The following KIF2A variants were observed in gnomAD, a reference collection of about 807,000 sequenced individuals.
KIF2A encodes the protein kinesin-like protein KIF2A.
Under a neutral mutation model 100.2 loss-of-function variants are expected in KIF2A, and 22 were observed. The ratio of observed to expected loss-of-function variants is 0.22; its 90% CI spans 0.16 to 0.31. The LOEUF (loss-of-function observed/expected upper bound fraction) is 0.31, where lower values mean the gene tolerates loss of function less well. KIF2A is among the 10% of genes least tolerant of loss of function. The pLI is 1.00. For synonymous variants in KIF2A, 268 were observed against 285.9 expected, an observed-to-expected ratio of 0.94 and a Z score of 0.63; for missense variants, 495 against 898.7, an observed-to-expected ratio of 0.55 and a Z score of 5.74.
chr5:62,378,810 C>T (rs777500805), intron 19 of KIF2A, among the ~76,000 whole-genome samples: 2 of 151,844 alleles, frequency 1.3e-5, no homozygotes, highest in African/African-American at 2.4e-5. Context: ...CCCAGCTACT[C>T]GGGAGGCTGA....
chr5:62,327,630 C>G (rs892408718), intron 1 of KIF2A, among the ~76,000 whole-genome samples: 1 of 152,226 alleles, frequency 6.6e-6, no homozygotes, highest in Non-Finnish European at 1.5e-5. Context: ...CCACATGGAG[C>G]TTCAGTGATC....
In KIF2A at chr5:62,347,110, T is replaced by A; in HGVS notation, c.65-20T>A. On this transcript the variant is annotated intron_variant, in intron 1 of 20. Coordinates refer to ENST00000407818, the MANE Select transcript of KIF2A (RefSeq NM_001098511.3). ...CATAATTTGTGGCATTTTTAAGGTG[T>A]ATACTTTATTCCCACATAGGCCGAA... 1.4e-6 allele frequency: 2 copies of A among 1,425,020 alleles called. No homozygotes were observed. The highest frequency in any genetic ancestry group is 9.8e-7 in the Non-Finnish European group (1 of 1,016,620). 88.3% of individuals were successfully genotyped at this position (1,425,020 alleles called of 1,614,324 possible).
chr5:62,350,253 CTTTTTTGTTTTGTTTTG>C (rs1747782545), intron 4 of KIF2A, 133 bp downstream of exon 4: 1 of 587,248 alleles, frequency 1.7e-6, no homozygotes, highest in South Asian at 2.2e-5. Flanking sequence ...TTAAGAGGTG[CTTTTTTGTTTTGTTTTG>C]TTTTTTGTTT....
chr5:62,360,686 C>CAA (rs76298250), intron 9 of KIF2A, among the ~76,000 whole-genome samples: 2 of 136,344 alleles, frequency 1.5e-5, no homozygotes, highest in Admixed American at 7.4e-5. Context: ...GACTTCGTCT[C>CAA]AAAAAAAAAA....
intron 20 of KIF2A, among the ~76,000 whole-genome samples, chr5:62,382,916 C>T (rs1388695271): frequency 7.4e-5 from 11 of 149,352 alleles, no homozygotes; most frequent in East Asian, 5.9e-4. Flanking sequence ...TGTGAGGCAC[C>T]GAGCCTGGCT....
chr5:62,348,263 T>G (rs1445550933), intron 3 of KIF2A, 96 bp downstream of exon 3: 1 of 1,297,748 alleles, frequency 7.7e-7, no homozygotes, highest in Admixed American at 2.2e-5. Context: ...CTTTGAAGAG[T>G]TTAAGAATTG....
At chr5:62,342,402 G>A (rs936624279) in intron 1 of KIF2A, among the ~76,000 whole-genome samples, 3 of 152,142 alleles carry the variant, frequency 2.0e-5, no homozygotes, top group Admixed American at 6.6e-5. Context: ...CTGCTTAGAT[G>A]TCTCTCTAAG....
intron 16 of KIF2A, 62 bp from the exon 17 acceptor site, chr5:62,372,376 A>G (rs1481331060): frequency 1.1e-5 from 9 of 786,256 alleles, no homozygotes; most frequent in Non-Finnish European, 1.7e-5. Context: ...GAAAATGTGC[A>G]ATGTGCATTG....
At chr5:62,313,074 A>C (rs956004148) in intron 1 of KIF2A, among the ~76,000 whole-genome samples, 8 of 152,134 alleles carry the variant, frequency 5.3e-5, no homozygotes, top group African/African-American at 1.9e-4. Flanking sequence ...TATATCAGGC[A>C]TTCTGATAGG....
intron 1 of KIF2A, among the ~76,000 whole-genome samples, chr5:62,332,810 G>A (rs1265563602): frequency 6.6e-6 from 1 of 152,142 alleles, no homozygotes; most frequent in African/African-American, 2.4e-5. Flanking sequence ...TAACAAATCA[G>A]ATTTATATAT....
chr5:62,313,719 T>C (rs1249955035), intron 1 of KIF2A, among the ~76,000 whole-genome samples: 1 of 152,170 alleles, frequency 6.6e-6, no homozygotes, highest in African/African-American at 2.4e-5. Flanking sequence ...GAAATTGGCA[T>C]TGTCATTATT....
chr5:62,308,244 G>T (rs1745406240), intron 1 of KIF2A: 2 of 873,158 alleles, frequency 2.3e-6, no homozygotes, highest in East Asian at 6.5e-5. Context: ...TTGGGTTGAG[G>T]TTTCTTTTAT....
At position 62,352,649 on chromosome 5, in the gene KIF2A, G is replaced by T. The variant is rs1747912970; in HGVS notation, c.396G>T (p.Gln132His). ...QFPEQSSSAQ[Q>H]NGSVSDISPV... ...CTGAACAGTCTTCCTCTGCACAACA[G>T]AATGGTAGTGTTTCAGATATATCTC... The change falls in exon 5 of 21, where the codon CAG becomes CAT. Residue 132 changes from glutamine to histidine, a missense_variant. Coordinates refer to ENST00000407818, the MANE Select transcript of KIF2A (RefSeq NM_001098511.3). 6.2e-7 allele frequency: 1 copy of T among 1,609,844 alleles called. No individual in the cohort carries two copies. The highest frequency in any genetic ancestry group is 1.7e-5 in the Admixed American group (1 of 59,550).
intron 18 of KIF2A, 128 bp from the exon 19 acceptor site, chr5:62,377,533 T>TA: frequency 2.2e-6 from 1 of 453,336 alleles, no homozygotes; most frequent in Non-Finnish European, 3.9e-6. Context: ...TTTATATATA[T>TA]TTTACTAGCC....
intron 16 of KIF2A, among the ~76,000 whole-genome samples, chr5:62,371,201 C>T (rs1741310188): frequency 6.6e-6 from 1 of 152,056 alleles, no homozygotes; most frequent in African/African-American, 2.4e-5. Flanking sequence ...CTGCAATGAG[C>T]CATGACTGAG....
chr5:62,358,408 T>C, intron 9 of KIF2A, 109 bp downstream of exon 9: 1 of 667,314 alleles, frequency 1.5e-6, no homozygotes, highest in Non-Finnish European at 2.5e-6. Context: ...CAATATGCTG[T>C]TTTATTCTGA....
intron 18 of KIF2A, among the ~76,000 whole-genome samples, chr5:62,376,129 C>G (rs994750637): frequency 1.3e-5 from 2 of 152,136 alleles, no homozygotes; most frequent in East Asian, 3.9e-4. Flanking sequence ...ATTATTGCAT[C>G]TATTGGGCCT....
intron 1 of KIF2A, among the ~76,000 whole-genome samples, chr5:62,332,866 C>G (rs1417520062): frequency 6.6e-6 from 1 of 152,210 alleles, no homozygotes; most frequent in Non-Finnish European, 1.5e-5. Flanking sequence ...CCCATTCCCA[C>G]TGTTCTCTTC....
intron 6 of KIF2A, among the ~76,000 whole-genome samples, chr5:62,353,708 A>C (rs1236088685): frequency 6.6e-6 from 1 of 152,162 alleles, no homozygotes; most frequent in Non-Finnish European, 1.5e-5. Context: ...CATTGGGAAA[A>C]ATACCCAGTT....
Sources: allele counts gnomAD v4.1 joint callset (sites outside exome capture counted in the v4.1 genomes callset), GRCh38; gene constraint gnomAD v4.1.1; transcripts MANE v1.5; gene names NCBI Gene and HGNC (gene_info 2026-07-23, HGNC 2026-07-21).